The following ITPR3 variants were observed in gnomAD, a reference collection of about 807,000 sequenced individuals.
ITPR3 encodes the protein inositol 1,4,5-trisphosphate receptor type 3.
ITPR3 carries 173 observed loss-of-function variants against 293.2 expected under a neutral mutation model. The ratio of observed to expected loss-of-function variants is 0.59; its 90% CI spans 0.52 to 0.67. ITPR3 has a LOEUF of 0.67. Among genes scored for constraint, ITPR3 ranks in the 30% least tolerant of loss-of-function variants. ITPR3 has a pLI of 0.00. For missense variants in ITPR3, 2,796 were observed against 3,592.1 expected, an observed-to-expected ratio of 0.78 and a Z score of 5.66; for synonymous variants, 1,295 against 1,444.4, an observed-to-expected ratio of 0.90 and a Z score of 2.35.
rs143846339 is a variant in ITPR3, at chr6:33,632,178, C to A, written c.90-8306C>A. Reference sequence around the variant, plus strand: ...GTTCCATTAACTTGTGTGACCTGGGCGGGTCAGTTTCTCCTCCATGCCCCA... The same window carrying A: ...GTTCCATTAACTTGTGTGACCTGGGAGGGTCAGTTTCTCCTCCATGCCCCA... On this transcript the variant is annotated intron_variant, in intron 1 of 57. Transcript: ENST00000605930. This position sits in a 1 kb window ranked among gnomAD's most constrained non-coding sequence, Gnocchi z 4.1. 1.3e-5 allele frequency among the ~76,000 whole-genome samples: 2 copies of A among 150,190 alleles called. No individual in the cohort carries two copies. The highest frequency in any genetic ancestry group is 1.3e-4 in the Admixed American group (2 of 14,934).
At position 33,658,573 on chromosome 6, in the gene ITPR3, AAT is replaced by A; in HGVS notation, c.370-96_370-95del. Reference sequence around the variant, plus strand: ...TGTCTGACACTATGTGTGCAGCCAGAATGTGACCAAGGGTCTAGGGGATCCCC... The same window carrying A: ...TGTCTGACACTATGTGTGCAGCCAGAGTGACCAAGGGTCTAGGGGATCCCC... On this transcript the variant is annotated intron_variant, in intron 4 of 57. Transcript: ENST00000605930. This position sits in a 1 kb window ranked among gnomAD's most constrained non-coding sequence, Gnocchi z 6.1. The A allele has an allele frequency of 7.1e-7, 1 of 1,415,192 alleles. No individual in the cohort carries two copies. Among genetic ancestry groups the A allele is most frequent in the African/African-American group, 1.4e-5 (1 of 70,468 alleles). 87.7% of individuals were successfully genotyped at this position (1,415,192 alleles called of 1,614,324 possible).
At position 33,690,127 on chromosome 6, in the gene ITPR3, C is replaced by T. The variant is rs1765351087; in HGVS notation, c.6961C>T (p.Leu2321Phe). The T allele has an allele frequency of 6.2e-7, 1 of 1,614,182 alleles. No individual in the cohort carries two copies. Among genetic ancestry groups the T allele is most frequent in the Non-Finnish European group, 8.5e-7 (1 of 1,180,040 alleles). The change falls in exon 51 of 58, where the codon CTC becomes TTC. Residue 2321 changes from leucine to phenylalanine, a missense_variant. Coordinates refer to ENST00000605930, the MANE Select transcript of ITPR3 (RefSeq NM_002224.4). ...YKAMVMDMEF[L>F]YHVGYILTSV... ...GGCCATGGTCATGGACATGGAATTCCTCTACCACGTGGGCTACATCCTGAC... is the reference window on the plus strand; with the variant it reads ...GGCCATGGTCATGGACATGGAATTCTTCTACCACGTGGGCTACATCCTGAC...
intron 2 of ITPR3, among the ~76,000 whole-genome samples, chr6:33,643,809 C>A (rs537773549): frequency 1.3e-5 from 2 of 152,314 alleles, no homozygotes; most frequent in East Asian, 3.9e-4. Context: ...TGCCCCCTTC[C>A]CTAGCCTACG....
rs1400900130 is a variant in ITPR3 at position 33,621,873 on chromosome 6, G to A, written c.89+182G>A. On this transcript the variant is annotated intron_variant, in intron 1 of 57. Coordinates refer to ENST00000605930, the MANE Select transcript of ITPR3 (RefSeq NM_002224.4). This position sits in a 1 kb window ranked among gnomAD's most constrained non-coding sequence, Gnocchi z 7.7. ...GGAAGTGAAGTGTTTGCTCAGGTAG[G>A]ACTCGGGCTCCCTACTGGAGTTGGC... Among the ~76,000 whole-genome samples, 2 of 152,222 alleles carry A rather than the reference G, an allele frequency of 1.3e-5. No individual in the cohort carries two copies. Among genetic ancestry groups the A allele is most frequent in the Admixed American group, 6.5e-5 (1 of 15,288 alleles).
chr6:33,633,673 G>C lies in ITPR3; in HGVS notation c.90-6811G>C, dbSNP rs1220507570. 6.7e-6 allele frequency among the ~76,000 whole-genome samples: 1 copy of C among 150,094 alleles called. No homozygotes were observed. The highest frequency in any genetic ancestry group is 1.5e-5 in the Non-Finnish European group (1 of 67,278). ...CGGAGGCAGGCCGGGGCGAGGCCGC[G>C]CTGGCCCTCCCTTGGCGGCGGCGGC... On this transcript the variant is annotated intron_variant, in intron 1 of 57. Coordinates refer to ENST00000605930, the MANE Select transcript of ITPR3 (RefSeq NM_002224.4). The surrounding 1 kb of genome is among the most constrained non-coding windows in gnomAD (Gnocchi z 5.2).
chr6:33,630,977 A>G (rs1763664813), intron 1 of ITPR3, among the ~76,000 whole-genome samples: 1 of 152,218 alleles, frequency 6.6e-6, no homozygotes, highest in African/African-American at 2.4e-5. Flanking sequence ...AGGAGCCCCA[A>G]CCAGTGAATC....
At position 33,640,509 on chromosome 6, in the gene ITPR3, G is replaced by A. The variant is rs2151290044; in HGVS notation, c.115G>A (p.Glu39Lys). Residue 39 changes from glutamate (E) to lysine (K), a missense_variant, in exon 2 of 58, where the codon GAG (glutamate) becomes AAG (lysine). By Grantham distance (56) the Glu-to-Lys change is moderately conservative. Transcript: ENST00000605930. ...GCTGGTGGATGACCGCTGTGTGGTG[G>A]AGCCCGCGGCCGGGGACCTGGACAA... is the stretch of plus-strand genomic sequence containing the variant. ...LGLVDDRCVV[E>K]PAAGDLDNPP... 2 of 1,613,738 alleles carry A rather than the reference G, an allele frequency of 1.2e-6. No homozygotes were observed. Among genetic ancestry groups the A allele is most frequent in the Non-Finnish European group, 1.7e-6 (2 of 1,179,808 alleles).
intron 1 of ITPR3, among the ~76,000 whole-genome samples, chr6:33,628,402 G>A (rs145538995): frequency 6.6e-6 from 1 of 152,356 alleles, no homozygotes; most frequent in East Asian, 1.9e-4. Context: ...CTGGTCATGC[G>A]AAAGGTGCCA....
In ITPR3 at chr6:33,672,093, C is replaced by CA; in HGVS notation, c.2795dup (p.Gln933AlafsTer17). The stretch of plus-strand genomic sequence containing the variant: ...TGATGTCCACCATGGTGCTGAGCCG[C>CA]AAGCAGTCCGTCTTCAGTGCCCCCA... On this transcript the variant is annotated frameshift_variant, in exon 22 of 58. Transcript: ENST00000605930. LOFTEE classifies it high-confidence loss of function. This position sits in a 1 kb window ranked among gnomAD's most constrained non-coding sequence, Gnocchi z 5.0. The CA allele has an allele frequency of 1.2e-6, 2 of 1,613,866 alleles. No individual in the cohort carries two copies. Among genetic ancestry groups the CA allele is most frequent in the Non-Finnish European group, 1.7e-6 (2 of 1,179,900 alleles).
Position 33,680,052 on chromosome 6 carries a change from C to T in ITPR3, c.4143C>T (p.Val1381=). 1 of 1,613,872 alleles carries T rather than the reference C, an allele frequency of 6.2e-7. No individual in the cohort carries two copies. The highest frequency in any genetic ancestry group is 8.5e-7 in the Non-Finnish European group (1 of 1,180,040). ...LLAACAEGKN[V]YTEIKCTSLL... ...CCGCCTGTGCCGAGGGCAAAAACGT[C>T]TACACTGAGATCAAGTGCACCTCCC... The change falls in exon 31 of 58, where the codon GTC becomes GTT. Residue 1381 remains valine, a synonymous_variant. Coordinates refer to ENST00000605930, the MANE Select transcript of ITPR3 (RefSeq NM_002224.4).
rs1317251123 is a variant in ITPR3 at position 33,668,956 on chromosome 6, G to T, written c.2007-18G>T. 6.2e-7 allele frequency: 1 copy of T among 1,611,442 alleles called. No individual in the cohort carries two copies. Among genetic ancestry groups the T allele is most frequent in the South Asian group, 1.1e-5 (1 of 90,922 alleles). On this transcript the variant is annotated intron_variant, in intron 17 of 57. Coordinates refer to ENST00000605930, the MANE Select transcript of ITPR3 (RefSeq NM_002224.4). ...CCCTGGACCTGGCTCCCTGTGACAG[G>T]TTGCTGGTGGTCTGCAGGCTTCGGC...
chr6:33,628,474 G>T (rs1763598041), intron 1 of ITPR3, among the ~76,000 whole-genome samples: 1 of 152,264 alleles, frequency 6.6e-6, no homozygotes. Flanking sequence ...CTGGCTTGGA[G>T]AGCTTGGGGT....
chr6:33,631,946 T>C (rs1373095030), intron 1 of ITPR3, among the ~76,000 whole-genome samples: 1 of 152,216 alleles, frequency 6.6e-6, no homozygotes, highest in East Asian at 1.9e-4. Flanking sequence ...CAAAGAGTAA[T>C]ATTAAAAGCT....
chr6:33,623,173 G>A (rs913801662), intron 1 of ITPR3, among the ~76,000 whole-genome samples: 2 of 152,072 alleles, frequency 1.3e-5, no homozygotes, highest in Admixed American at 1.3e-4. Flanking sequence ...GGAGGAGAGG[G>A]TGTGGGGACT....
rs2296339 is a variant in ITPR3, at chr6:33,662,847, C to T, written c.859-64C>T. On this transcript the variant is annotated intron_variant, in intron 8 of 57. Transcript: ENST00000605930. ...CCCACCCAGAGATCTCCAGGCCTCC[C>T]TGGGGTCTGACTCCCCATGCCTGTC... The T allele has an allele frequency of 0.5, 759,794 of 1,526,604 alleles. 192,166 individuals are homozygous for T. Among genetic ancestry groups the T allele is most frequent in the Middle Eastern group, 0.52 (3,046 of 5,802 alleles). 94.6% of individuals were successfully genotyped at this position (1,526,604 alleles called of 1,614,324 possible).
In ITPR3 at chr6:33,658,029, C is replaced by T. The variant is rs1477842158; in HGVS notation, c.369+11C>T. 2 of 1,607,700 alleles carry T rather than the reference C, an allele frequency of 1.2e-6. No homozygotes were observed. Among genetic ancestry groups the T allele is most frequent in the South Asian group, 2.2e-5 (2 of 90,596 alleles). On this transcript the variant is annotated intron_variant, in intron 4 of 57. Coordinates refer to ENST00000605930, the MANE Select transcript of ITPR3 (RefSeq NM_002224.4). The surrounding 1 kb of genome is among the most constrained non-coding windows in gnomAD (Gnocchi z 6.1). The stretch of plus-strand genomic sequence containing the variant: ...GGCAGTGTGATCCAGGTGAGGCTGG[C>T]CTGCCTCTCTCCCGCCTGCCCCTCT...
At chr6:33,689,927 C>A in intron 50 of ITPR3, 107 bp from the exon 51 acceptor site, 1 of 1,364,184 alleles carries the variant, frequency 7.3e-7, no homozygotes, top group Non-Finnish European at 1.0e-6. Context: ...GAAGCAATTT[C>A]ATTAATGCCA....
Position 33,662,590 on chromosome 6 carries a change from G to C in ITPR3, c.774G>C (p.Lys258Asn), listed in dbSNP as rs748197401. 4 of 1,612,194 alleles carry C rather than the reference G, an allele frequency of 2.5e-6. No homozygotes were observed. The highest frequency in any genetic ancestry group is 3.4e-6 in the Non-Finnish European group (4 of 1,179,818). The change falls in exon 8 of 58, where the codon AAG becomes AAC. Residue 258 changes from lysine (K) to asparagine (N), a missense_variant. Lys to Asn is a moderately conservative substitution (Grantham distance 94). Transcript: ENST00000605930. ...QEKFLTCDEY[K>N]GKLQVFLRTT... ...AGTTCCTGACGTGTGACGAGTACAA[G>C]GGCAAGCTGCAGGTGTTCCTGCGAA...
chr6:33,670,594 A>C lies in ITPR3; in HGVS notation c.2441+18A>C. The stretch of plus-strand genomic sequence containing the variant: ...ATCAAGGAGTGAGAGGGGTGGAGGC[A>C]GGGTGGGCGGGGCAGGGGCAGAGGC... On this transcript the variant is annotated intron_variant, in intron 19 of 57. Transcript: ENST00000605930. The surrounding 1 kb of genome is among the most constrained non-coding windows in gnomAD (Gnocchi z 6.7). The C allele has an allele frequency of 1.4e-6, 1 of 694,116 alleles. No homozygotes were observed. Among genetic ancestry groups the C allele is most frequent in the African/African-American group, 2.3e-5 (1 of 44,074 alleles). The allele number at this position is 694,116 out of a possible 1,614,324, so 43.0% of individuals were successfully genotyped here. A position where few individuals can be genotyped will look rare whatever the true frequency, so the allele number is the denominator to read the frequency against.
Sources: allele counts gnomAD v4.1 joint callset (sites outside exome capture counted in the v4.1 genomes callset), GRCh38; gene constraint gnomAD v4.1.1; non-coding constraint Gnocchi (gnomAD v3.1); transcripts MANE v1.5; gene names NCBI Gene and HGNC (gene_info 2026-07-23, HGNC 2026-07-21).